SEMA3E: variants seen among roughly 807,000 people sequenced by gnomAD.
The protein encoded by SEMA3E is semaphorin 3E.
Under a neutral mutation model 93.6 loss-of-function variants are expected in SEMA3E, and 49 were observed. The ratio of observed to expected loss-of-function variants is 0.52; its 90% CI spans 0.42 to 0.66. SEMA3E has a LOEUF of 0.66. SEMA3E is among the 30% of genes least tolerant of loss of function. The pLI is 0.00. For missense variants in SEMA3E, 906 were observed against 964.8 expected, an observed-to-expected ratio of 0.94 and a Z score of 0.81; for synonymous variants, 363 against 330.7, an observed-to-expected ratio of 1.10 and a Z score of -1.06.
Position 83,487,682 on chromosome 7 carries a change from C to CGTGTGTGTGTGT in SEMA3E, c.276+2420_276+2431dup, listed in dbSNP as rs71074667. 3.5e-3 allele frequency among the ~76,000 whole-genome samples: 513 copies of CGTGTGTGTGTGT among 144,528 alleles called. 6 individuals are homozygous for CGTGTGTGTGTGT. Among genetic ancestry groups the CGTGTGTGTGTGT allele is most frequent in the East Asian group, 0.019 (91 of 4,726 alleles). The allele number at this position is 144,528 out of a possible 152,430, so 94.8% of individuals were successfully genotyped here. ...CCATTGAATTTGACTGGCAGGAGGT[C>CGTGTGTGTGTGT]GTGTGTGTGTGTGTGTGTGTGTGTG... On this transcript the variant is annotated intron_variant, in intron 2 of 16. Transcript: ENST00000643230.
intron 4 of SEMA3E, among the ~76,000 whole-genome samples, chr7:83,443,127 C>T (rs1046887655): frequency 4.6e-5 from 7 of 152,296 alleles, no homozygotes; most frequent in South Asian, 2.1e-4. Flanking sequence ...AGCAAAGAGA[C>T]GTCCAGTTAC....
At chr7:83,378,143 T>C (rs982611781) in intron 16 of SEMA3E, among the ~76,000 whole-genome samples, 1 of 149,670 alleles carries the variant, frequency 6.7e-6, no homozygotes, top group Admixed American at 6.7e-5. Context: ...TAAAACTATA[T>C]GTGGAAATAT....
chr7:83,450,173 G>T (rs1789327649), intron 4 of SEMA3E, among the ~76,000 whole-genome samples: 2 of 152,112 alleles, frequency 1.3e-5, no homozygotes, highest in Admixed American at 6.5e-5. Flanking sequence ...CCACTTGTGG[G>T]CATAAAATAG....
chr7:83,373,299 T>C (rs922288869), intron 16 of SEMA3E, among the ~76,000 whole-genome samples: 6 of 152,174 alleles, frequency 3.9e-5, no homozygotes, highest in African/African-American at 1.4e-4. Flanking sequence ...AGAATACATT[T>C]AATAATAAAA....
intron 1 of SEMA3E, among the ~76,000 whole-genome samples, chr7:83,526,769 G>T (rs111961819): frequency 1.6e-3 from 243 of 152,272 alleles, no homozygotes; most frequent in African/African-American, 2.2e-3. Context: ...AGGAATAGGA[G>T]AATATTTTTA....
At chr7:83,477,898 A>T (rs965977869) in intron 2 of SEMA3E, among the ~76,000 whole-genome samples, 1 of 151,194 alleles carries the variant, frequency 6.6e-6, no homozygotes, top group East Asian at 1.9e-4. Context: ...ATATATATAG[A>T]TATACAAATT....
chr7:83,549,445 T>C (rs1415831337), intron 1 of SEMA3E, among the ~76,000 whole-genome samples: 3 of 152,136 alleles, frequency 2.0e-5, no homozygotes, highest in Non-Finnish European at 4.4e-5. Context: ...TTGTCACTAT[T>C]TTCCTTTACA....
At chr7:83,617,245 A>C (rs76443381) in intron 1 of SEMA3E, among the ~76,000 whole-genome samples, 17,241 of 151,206 alleles carry the variant, frequency 0.11, 1,071 homozygotes, top group East Asian at 0.19. Flanking sequence ...AGGTTTATAT[A>C]TAATCCTCCT....
chr7:83,573,838 A>C (rs914339629), intron 1 of SEMA3E, among the ~76,000 whole-genome samples: 2 of 151,922 alleles, frequency 1.3e-5, no homozygotes, highest in Non-Finnish European at 2.9e-5. Context: ...CATTTTTATC[A>C]GAAAAATATT....
chr7:83,527,024 T>C (rs1347477403), intron 1 of SEMA3E, among the ~76,000 whole-genome samples: 2 of 151,994 alleles, frequency 1.3e-5, no homozygotes, highest in African/African-American at 2.4e-5. Flanking sequence ...TCATACTGGA[T>C]TAGTTCTTAA....
chr7:83,537,091 C>T (rs1458842198), intron 1 of SEMA3E, among the ~76,000 whole-genome samples: 2 of 151,958 alleles, frequency 1.3e-5, no homozygotes, highest in African/African-American at 4.8e-5. Flanking sequence ...CTCTCTTCCT[C>T]TCTTCCCTAT....
rs924517672 is a variant in SEMA3E at position 83,365,422 on chromosome 7, G to A, written c.*2164C>T. The A allele has an allele frequency of 1.3e-5, 2 of 152,070 alleles. No homozygotes were observed. The highest frequency in any genetic ancestry group is 4.8e-5 in the African/African-American group (2 of 41,400). 9.4% of individuals were successfully genotyped at this position (152,070 alleles called of 1,614,324 possible). A position where few individuals can be genotyped will look rare whatever the true frequency, so the allele number is the denominator to read the frequency against. On this transcript the variant is annotated 3_prime_UTR_variant, in exon 17 of 17. Coordinates refer to ENST00000643230, the MANE Select transcript of SEMA3E (RefSeq NM_012431.3). ...TTCTTATCAATTTTCTTTCAAATTAGCATTGAATAAACTTTCTTTGGGTTT... is the reference window on the plus strand; with the variant it reads ...TTCTTATCAATTTTCTTTCAAATTAACATTGAATAAACTTTCTTTGGGTTT...
chr7:83,371,355 T>A (rs966181544), intron 16 of SEMA3E: 1 of 152,062 alleles, frequency 6.6e-6, no homozygotes, highest in Non-Finnish European at 1.5e-5. Flanking sequence ...GAGGATGGAG[T>A]CATCACATGG....
intron 1 of SEMA3E, among the ~76,000 whole-genome samples, chr7:83,597,190 T>C (rs1313864161): frequency 6.6e-6 from 1 of 152,068 alleles, no homozygotes; most frequent in Non-Finnish European, 1.5e-5. Context: ...ATACCAACAA[T>C]GTGGTTCAAA....
intron 5 of SEMA3E, among the ~76,000 whole-genome samples, chr7:83,417,913 GAAATTTAGATAAAT>G (rs1231850403): frequency 1.3e-5 from 2 of 152,060 alleles, no homozygotes; most frequent in African/African-American, 4.8e-5. Flanking sequence ...TAGATTAACA[GAAATTTAGATAAAT>G]AAATTTAAGT....
chr7:83,394,438 GT>G, intron 12 of SEMA3E, 100 bp from the exon 13 acceptor site: 1 of 963,680 alleles, frequency 1.0e-6, no homozygotes, highest in Non-Finnish European at 1.6e-6. Context: ...TATATAAGTG[GT>G]TATGTGTTAA....
In SEMA3E at chr7:83,490,199, T is replaced by C; in HGVS notation, c.191A>G (p.Asp64Gly). 6.2e-7 allele frequency: 1 copy of C among 1,613,106 alleles called. No individual in the cohort carries two copies. Among genetic ancestry groups the C allele is most frequent in the Non-Finnish European group, 8.5e-7 (1 of 1,179,432 alleles). The change falls in exon 2 of 17, where the codon GAT becomes GGT. Residue 64 changes from aspartate to glycine, a missense_variant. By Grantham distance (94) the Asp-to-Gly change is moderately conservative (BLOSUM62 -1). Coordinates refer to ENST00000643230, the MANE Select transcript of SEMA3E (RefSeq NM_012431.3). ...CACGAAGAGCCTCTCTTGATATTCATCCAGCAGCATTGTATGGAGATCAAG... is the reference window on the plus strand; with the variant it reads ...CACGAAGAGCCTCTCTTGATATTCACCCAGCAGCATTGTATGGAGATCAAG... ...GFLDLHTMLL[D>G]EYQERLFVGG...
At chr7:83,535,648 T>C (rs1053456591) in intron 1 of SEMA3E, among the ~76,000 whole-genome samples, 1 of 152,198 alleles carries the variant, frequency 6.6e-6, no homozygotes, top group African/African-American at 2.4e-5. Flanking sequence ...TATACCTTTT[T>C]ATAATCTAAG....
chr7:83,508,989 T>G (rs1790758886), intron 1 of SEMA3E, among the ~76,000 whole-genome samples: 1 of 152,132 alleles, frequency 6.6e-6, no homozygotes, highest in Non-Finnish European at 1.5e-5. Flanking sequence ...TGGGCAAGTT[T>G]GCACACCTGG....
Sources: gnomAD v4.1 joint callset for allele counts (sites outside exome capture counted in the v4.1 genomes callset) on GRCh38, gnomAD v4.1.1 for gene constraint, MANE v1.5 for transcripts, NCBI Gene and HGNC (gene_info 2026-07-23, HGNC 2026-07-21) for gene names.